The following SAMMSON variants were observed in gnomAD, a reference collection of about 807,000 sequenced individuals.
SAMMSON encodes the protein long intergenic non-protein coding RNA 1212.
intron 4 of SAMMSON, among the ~76,000 whole-genome samples, chr3:70,082,954 C>T (rs1340841089): frequency 3.0e-4 from 45 of 152,136 alleles, no homozygotes; most frequent in Admixed American, 2.9e-3. Flanking sequence ...AATGATGGAG[C>T]TAGGATTCAA....
intron 4 of SAMMSON, chr3:70,126,020 T>G: frequency 1.1e-6 from 1 of 908,132 alleles, no homozygotes; most frequent in Non-Finnish European, 1.7e-6. Context: ...GTAATTGATC[T>G]AAAAGCTGTG....
intron 7 of SAMMSON, among the ~76,000 whole-genome samples, chr3:70,335,102 A>G (rs1323797784): frequency 2.0e-5 from 3 of 151,806 alleles, no homozygotes; most frequent in African/African-American, 7.2e-5. Context: ...TTATATGTAG[A>G]ATGGGTATAA....
At chr3:70,226,670 G>A (rs985501988) in intron 4 of SAMMSON, among the ~76,000 whole-genome samples, 16 of 151,250 alleles carry the variant, frequency 1.1e-4, no homozygotes, top group Admixed American at 9.2e-4. Flanking sequence ...CCTGGGAAGC[G>A]GAGGTTGCAG....
chr3:70,227,395 G>A (rs1228262223), intron 4 of SAMMSON, among the ~76,000 whole-genome samples: 1 of 152,162 alleles, frequency 6.6e-6, no homozygotes, highest in Non-Finnish European at 1.5e-5. Context: ...AGAAAACAAT[G>A]TGATTCAAAA....
chr3:70,394,975 A>C (rs1701079143), intron 2 of SAMMSON, among the ~76,000 whole-genome samples: 1 of 152,186 alleles, frequency 6.6e-6, no homozygotes, highest in Non-Finnish European at 1.5e-5. Context: ...ATGCATTAAA[A>C]TATTTTTTAT....
chr3:70,088,477 G>A (rs560043038), intron 4 of SAMMSON, among the ~76,000 whole-genome samples: 5 of 152,226 alleles, frequency 3.3e-5, no homozygotes, highest in East Asian at 1.9e-4. Context: ...GCATCTCAAC[G>A]GAAGTGAGAA....
chr3:70,344,245 C>A (rs1559568478), intron 7 of SAMMSON, among the ~76,000 whole-genome samples: 1 of 152,108 alleles, frequency 6.6e-6, no homozygotes, highest in South Asian at 2.1e-4. Flanking sequence ...AACCCCAAGC[C>A]CCCAGTTCCA....
chr3:70,203,104 A>C (rs1701257517), intron 4 of SAMMSON, among the ~76,000 whole-genome samples: 1 of 152,128 alleles, frequency 6.6e-6, no homozygotes, highest in African/African-American at 2.4e-5. Context: ...TCCTTATCCT[A>C]AGTGGCAAGA....
intron 3 of SAMMSON, among the ~76,000 whole-genome samples, chr3:70,057,042 T>C (rs1292952740): frequency 6.6e-6 from 1 of 152,048 alleles, no homozygotes; most frequent in Non-Finnish European, 1.5e-5. Flanking sequence ...GGCAGGAATG[T>C]ATGGATGTGA....
chr3:70,295,346 A>C (rs900948558), intron 7 of SAMMSON, among the ~76,000 whole-genome samples: 1 of 152,170 alleles, frequency 6.6e-6, no homozygotes, highest in Non-Finnish European at 1.5e-5. Context: ...CCAGATTTCA[A>C]ATATAGGTAT....
intron 7 of SAMMSON, among the ~76,000 whole-genome samples, chr3:70,325,371 G>A (rs886977367): frequency 6.6e-6 from 1 of 152,040 alleles, no homozygotes; most frequent in Admixed American, 6.6e-5. Context: ...TCACCCATGC[G>A]GGCTGTGAGT....
chr3:70,010,821 C>G (rs751328252), intron 1 of SAMMSON, among the ~76,000 whole-genome samples: 1 of 152,138 alleles, frequency 6.6e-6, no homozygotes, highest in Non-Finnish European at 1.5e-5. Context: ...GCAGCAGGCA[C>G]CTTCTTCACA....
intron 9 of SAMMSON, among the ~76,000 whole-genome samples, chr3:70,363,938 A>G (rs1323395963): frequency 1.3e-5 from 2 of 151,698 alleles, no homozygotes; most frequent in African/African-American, 4.8e-5. Context: ...CTGCAGATAT[A>G]TTTCTAGCTT....
intron 4 of SAMMSON, among the ~76,000 whole-genome samples, chr3:70,150,911 T>C (rs905472462): frequency 1.3e-5 from 2 of 152,064 alleles, no homozygotes; most frequent in African/African-American, 2.4e-5. Context: ...TGAATAAATG[T>C]TCAATTTTTT....
At chr3:70,100,029 T>C (rs912817844) in intron 4 of SAMMSON, among the ~76,000 whole-genome samples, 1 of 152,186 alleles carries the variant, frequency 6.6e-6, no homozygotes, top group Non-Finnish European at 1.5e-5. Context: ...AAATGGCTGG[T>C]GAAATGGCCT....
At chr3:70,120,386 T>C (rs2067427997) in intron 4 of SAMMSON, 1 of 152,158 alleles carries the variant, frequency 6.6e-6, no homozygotes, top group South Asian at 2.1e-4. Context: ...TAATCTAGGA[T>C]GAAGAATTTG....
intron 3 of SAMMSON, among the ~76,000 whole-genome samples, chr3:70,043,969 G>T (rs937732507): frequency 4.6e-5 from 7 of 151,810 alleles, no homozygotes; most frequent in Non-Finnish European, 7.4e-5. Flanking sequence ...TCTTTTTTAG[G>T]TATTCCTTTT....
intron 7 of SAMMSON, among the ~76,000 whole-genome samples, chr3:70,330,674 G>A (rs1259539461): frequency 6.6e-6 from 1 of 152,060 alleles, no homozygotes; most frequent in Non-Finnish European, 1.5e-5. Flanking sequence ...TGGTTTAAAA[G>A]TAACCAAGTG....
At chr3:70,155,330 G>T (rs114931315) in intron 4 of SAMMSON, among the ~76,000 whole-genome samples, 41 of 152,074 alleles carry the variant, frequency 2.7e-4, no homozygotes, top group African/African-American at 9.6e-4. Flanking sequence ...GAGGAAGGAA[G>T]CTCTTTCAGG....
Sources: allele counts gnomAD v4.1 joint callset (sites outside exome capture counted in the v4.1 genomes callset), GRCh38; gene constraint gnomAD v4.1.1; transcripts MANE v1.5; gene names NCBI Gene and HGNC (gene_info 2026-07-23, HGNC 2026-07-21).